The following TBCK variants were observed in gnomAD, a reference collection of about 807,000 sequenced individuals.
TBCK encodes TBC1 domain containing kinase, also known as TBC domain-containing protein kinase-like protein.
TBCK carries 99 observed loss-of-function variants against 113.4 expected under a neutral mutation model. The ratio of observed to expected loss-of-function variants is 0.87; its 90% CI spans 0.74 to 1.03. The LOEUF is 1.03. TBCK is among the 50% of genes least tolerant of loss of function. The pLI, the probability that TBCK is intolerant of heterozygous loss-of-function variation, is 0.00. For synonymous variants in TBCK, 369 were observed against 370.8 expected, an observed-to-expected ratio of 1.00 and a Z score of 0.05; for missense variants, 1,045 against 1,061.3, an observed-to-expected ratio of 0.98 and a Z score of 0.21.
chr4:106,161,949 T>C (rs1749853351), intron 23 of TBCK, among the ~76,000 whole-genome samples: 1 of 152,148 alleles, frequency 6.6e-6, no homozygotes, highest in African/African-American at 2.4e-5. Context: ...ACCACAGTTA[T>C]GCCTTTTCTA....
chr4:106,117,042 C>T (rs937317864), intron 23 of TBCK, among the ~76,000 whole-genome samples: 22 of 151,984 alleles, frequency 1.4e-4, no homozygotes, highest in Admixed American at 7.2e-4. Context: ...GGTGCCAAAA[C>T]GGCTGGGGAC....
chr4:106,276,777 C>T (rs1474437927), intron 3 of TBCK, among the ~76,000 whole-genome samples: 1 of 151,924 alleles, frequency 6.6e-6, no homozygotes, highest in Non-Finnish European at 1.5e-5. Flanking sequence ...CCCCTGTAAT[C>T]CCAGCTACTC....
intron 22 of TBCK, among the ~76,000 whole-genome samples, chr4:106,178,155 A>G (rs1751908490): frequency 6.6e-6 from 1 of 151,942 alleles, no homozygotes; most frequent in African/African-American, 2.4e-5. Flanking sequence ...AATGCTACTG[A>G]TTTTTATATG....
intron 24 of TBCK, among the ~76,000 whole-genome samples, chr4:106,109,590 T>C (rs1470515583): frequency 6.6e-6 from 1 of 152,196 alleles, no homozygotes; most frequent in Non-Finnish European, 1.5e-5. Flanking sequence ...AGATTGAAGA[T>C]GGACCCCTTC....
At chr4:106,306,423 G>A (rs932666403) in intron 2 of TBCK, among the ~76,000 whole-genome samples, 2 of 151,760 alleles carry the variant, frequency 1.3e-5, no homozygotes, top group African/African-American at 2.4e-5. Flanking sequence ...TCTCTTCTTT[G>A]TACTTCCATA....
chr4:106,198,227 C>T (rs775844264), intron 20 of TBCK, among the ~76,000 whole-genome samples: 13 of 152,020 alleles, frequency 8.6e-5, no homozygotes, highest in South Asian at 4.1e-4. Flanking sequence ...CCCAGATCTT[C>T]GTTTTTGAAA....
intron 5 of TBCK, among the ~76,000 whole-genome samples, chr4:106,253,861 T>G (rs770768064): frequency 6.6e-6 from 1 of 152,182 alleles, no homozygotes; most frequent in Non-Finnish European, 1.5e-5. Flanking sequence ...AGCAAATAAG[T>G]GTACTCACAG....
At chr4:106,186,121 G>A (rs1325194155) in intron 22 of TBCK, among the ~76,000 whole-genome samples, 1 of 152,000 alleles carries the variant, frequency 6.6e-6, no homozygotes, top group African/African-American at 2.4e-5. Context: ...TTTTCTTTAT[G>A]CAGTCCACCA....
intron 15 of TBCK, among the ~76,000 whole-genome samples, chr4:106,234,279 T>A (rs1759209163): frequency 6.6e-6 from 1 of 152,142 alleles, no homozygotes; most frequent in African/African-American, 2.4e-5. Context: ...TAGCATTATA[T>A]TGTTCTACAA....
intron 23 of TBCK, among the ~76,000 whole-genome samples, chr4:106,123,172 G>T (rs1744672690): frequency 6.6e-6 from 1 of 152,176 alleles, no homozygotes; most frequent in African/African-American, 2.4e-5. Context: ...AGCAACTTCA[G>T]CAAAGTCTCA....
At chr4:106,151,196 C>T (rs1748443297) in intron 23 of TBCK, among the ~76,000 whole-genome samples, 1 of 151,982 alleles carries the variant, frequency 6.6e-6, no homozygotes, top group Non-Finnish European at 1.5e-5. Flanking sequence ...CTTTGTGTTA[C>T]AAAAAATCTA....
intron 25 of TBCK, among the ~76,000 whole-genome samples, chr4:106,047,374 G>A (rs770419957): frequency 3.3e-5 from 5 of 152,120 alleles, no homozygotes; most frequent in East Asian, 3.9e-4. Context: ...CCTCAACTGC[G>A]TATCAATCCC....
At chr4:106,124,924 C>T (rs538343762) in intron 23 of TBCK, among the ~76,000 whole-genome samples, 102 of 150,804 alleles carry the variant, frequency 6.8e-4, no homozygotes, top group East Asian at 1.6e-3. Flanking sequence ...GTGGGTGCAG[C>T]GCACCAGCAT....
chr4:106,241,113 A>G (rs545338906), intron 12 of TBCK, among the ~76,000 whole-genome samples: 43 of 151,958 alleles, frequency 2.8e-4, no homozygotes, highest in Non-Finnish European at 3.8e-4. Context: ...AAATTTTTAT[A>G]ATAAAATGTT....
At chr4:106,300,535 TATG>T (rs1271221404) in intron 2 of TBCK, among the ~76,000 whole-genome samples, 2 of 152,202 alleles carry the variant, frequency 1.3e-5, no homozygotes, top group African/African-American at 2.4e-5. Context: ...ACCTTTAAAA[TATG>T]ATATTTCAAT....
intron 22 of TBCK, among the ~76,000 whole-genome samples, chr4:106,174,308 G>GAAAGAGTACA (rs1453481886): frequency 1.3e-5 from 2 of 152,036 alleles, no homozygotes; most frequent in African/African-American, 2.4e-5. Flanking sequence ...CAGCTACAAA[G>GAAAGAGTACA]AAAGAGTACA....
intron 25 of TBCK, among the ~76,000 whole-genome samples, chr4:106,082,678 T>A (rs1257785914): frequency 2.0e-5 from 3 of 152,212 alleles, no homozygotes; most frequent in Non-Finnish European, 4.4e-5. Context: ...AGGGCCAAGA[T>A]GGCTGACTAG....
chr4:106,090,760 C>T (rs963091261), intron 25 of TBCK, among the ~76,000 whole-genome samples: 8 of 152,044 alleles, frequency 5.3e-5, no homozygotes, highest in Admixed American at 1.3e-4. Context: ...ACACTGTTGT[C>T]AAGTTCTTTG....
In TBCK at chr4:106,244,719, T is replaced by A; in HGVS notation, c.977A>T (p.Tyr326Phe). The change falls in exon 11 of 26, where the codon TAT becomes TTT. Residue 326 changes from tyrosine (Y) to phenylalanine (F), a missense_variant. Transcript: ENST00000394708. ...YLAERSIEEV[Y>F]YLWCLAGGDL... is the part of the protein sequence containing the mutation. The stretch of plus-strand genomic sequence containing the variant: ...ACCTCCAGCCAAACACCAAAGGTAA[T>A]ACACTTCTTCAATAGATCTTTCTGC... 1 of 1,604,822 alleles carries A rather than the reference T, an allele frequency of 6.2e-7. No individual in the cohort carries two copies. Among genetic ancestry groups the A allele is most frequent in the East Asian group, 2.2e-5 (1 of 44,634 alleles).
Sources: allele counts gnomAD v4.1 joint callset (sites outside exome capture counted in the v4.1 genomes callset), GRCh38; gene constraint gnomAD v4.1.1; transcripts MANE v1.5; gene names NCBI Gene and HGNC (gene_info 2026-07-23, HGNC 2026-07-21).